HOPX: variants seen among roughly 807,000 people sequenced by gnomAD.
HOPX encodes HOP homeobox, also known as homeodomain-only protein.
HOPX carries 5 observed loss-of-function variants against 11.8 expected under a neutral mutation model. That is an observed-to-expected ratio of 0.43 (90% CI 0.22 to 0.89). The LOEUF (loss-of-function observed/expected upper bound fraction) is 0.89, where lower values mean the gene tolerates loss of function less well. HOPX is among the 40% of genes least tolerant of loss of function. The pLI is 0.28. For synonymous variants in HOPX, 49 were observed against 49.7 expected, an observed-to-expected ratio of 0.99 and a Z score of 0.06; for missense variants, 119 against 120.0, an observed-to-expected ratio of 0.99 and a Z score of 0.04.
At chr4:56,662,200 C>G (rs1404187697) in intron 1 of HOPX, among the ~76,000 whole-genome samples, 1 of 152,164 alleles carries the variant, frequency 6.6e-6, no homozygotes, top group East Asian at 1.9e-4. Flanking sequence ...TCCATGTAAA[C>G]TGAAATAATG....
chr4:56,669,525 G>A (rs917752220), intron 1 of HOPX, among the ~76,000 whole-genome samples: 1 of 152,090 alleles, frequency 6.6e-6, no homozygotes, highest in Non-Finnish European at 1.5e-5. Context: ...CAGATGAGGT[G>A]GTGGGGGCCT....
chr4:56,661,745 T>A lies in HOPX; in HGVS notation c.-83-3846A>T, dbSNP rs903340889. On this transcript the variant is annotated intron_variant, in intron 1 of 3. Coordinates refer to ENST00000420433, the MANE Select transcript of HOPX (RefSeq NM_032495.6). ...TTGGGGCTAAAAGTTTCCACATGTT[T>A]ACTGTTTACTGTGTAAAAATATTTC... Among the ~76,000 whole-genome samples, 4 of 152,358 alleles carry A rather than the reference T, an allele frequency of 2.6e-5. No individual in the cohort carries two copies. The East Asian group carries it at 7.7e-4, about 29-fold the overall frequency.
At chr4:56,650,538 G>A (rs1717060450) in intron 3 of HOPX, 1 of 759,312 alleles carries the variant, frequency 1.3e-6, no homozygotes, top group Admixed American at 2.8e-5. Flanking sequence ...AGCTTGAATG[G>A]GGGTAAGGCT....
intron 2 of HOPX, chr4:56,656,278 C>G (rs1371067159): frequency 1.7e-6 from 2 of 1,159,646 alleles, no homozygotes; most frequent in East Asian, 8.6e-5. Flanking sequence ...CCCGGGACCC[C>G]TTGCAGGAAC....
chr4:56,656,787 C>T (rs1717778507), intron 2 of HOPX, among the ~76,000 whole-genome samples: 1 of 152,124 alleles, frequency 6.6e-6, no homozygotes, highest in African/African-American at 2.4e-5. Context: ...CAACCCTTCG[C>T]CCCCACTCTT....
chr4:56,651,867 A>AGTGTGTGTGTTTGTGTGTGTGT (rs1357851813), intron 3 of HOPX, among the ~76,000 whole-genome samples: 1 of 128,360 alleles, frequency 7.8e-6, no homozygotes, highest in African/African-American at 3.2e-5. Context: ...AAAGAGAGAG[A>AGTGTGTGTGTTTGTGTGTGTGT]GAGAGAGTGT....
At chr4:56,679,684 G>C (rs536327422) in intron 1 of HOPX, 1 of 152,118 alleles carries the variant, frequency 6.6e-6, no homozygotes, top group Middle Eastern at 3.4e-3. Flanking sequence ...CACTATATTG[G>C]CCAGGCTGGT....
chr4:56,651,081 G>GA (rs1717125742), intron 3 of HOPX: 1 of 298,010 alleles, frequency 3.4e-6, no homozygotes, highest in South Asian at 7.0e-5. Context: ...TCTGGAGGAG[G>GA]AAAATCTCAC....
chr4:56,670,526 T>C (rs1183820323), intron 1 of HOPX, among the ~76,000 whole-genome samples: 1 of 152,244 alleles, frequency 6.6e-6, no homozygotes, highest in Non-Finnish European at 1.5e-5. Flanking sequence ...ATTCCTTTTA[T>C]GTTTTGGAGT....
intron 1 of HOPX, among the ~76,000 whole-genome samples, chr4:56,661,138 A>G (rs1279005614): frequency 6.6e-6 from 1 of 152,116 alleles, no homozygotes; most frequent in Admixed American, 6.5e-5. Context: ...GTTCTATCAC[A>G]TATGTATGGA....
intron 3 of HOPX, chr4:56,649,364 G>T (rs960416642): frequency 6.6e-6 from 1 of 152,276 alleles, no homozygotes; most frequent in African/African-American, 2.4e-5. Context: ...GCCCCAGATA[G>T]ATCTCTATGG....
intron 2 of HOPX, 61 bp downstream of exon 2, chr4:56,657,714 G>T: frequency 1.3e-6 from 1 of 745,680 alleles, no homozygotes. Context: ...TCTTCTGTGT[G>T]CACCCATTGC....
At chr4:56,675,724 A>G (rs889109911) in intron 1 of HOPX, among the ~76,000 whole-genome samples, 1 of 151,884 alleles carries the variant, frequency 6.6e-6, no homozygotes, top group Non-Finnish European at 1.5e-5. Flanking sequence ...AAGACAGCAG[A>G]TACATGCACC....
intron 1 of HOPX, among the ~76,000 whole-genome samples, chr4:56,671,607 C>T (rs1718738247): frequency 6.6e-6 from 1 of 151,886 alleles, no homozygotes; most frequent in South Asian, 2.1e-4. Context: ...TTTTTTTCCC[C>T]AGTTGAGTGG....
chr4:56,656,557 C>G, intron 2 of HOPX: 1 of 779,864 alleles, frequency 1.3e-6, no homozygotes, highest in East Asian at 1.3e-4. Flanking sequence ...CCTCTCCAGG[C>G]AGGGCTGCAC....
intron 1 of HOPX, among the ~76,000 whole-genome samples, chr4:56,661,943 T>A (rs903741069): frequency 6.6e-6 from 1 of 152,190 alleles, no homozygotes; most frequent in African/African-American, 2.4e-5. Context: ...CATTTTCTCC[T>A]CTACAGAACT....
At chr4:56,673,842 T>A (rs1718864673) in intron 1 of HOPX, among the ~76,000 whole-genome samples, 2 of 151,960 alleles carry the variant, frequency 1.3e-5, no homozygotes, top group African/African-American at 4.8e-5. Context: ...GTAGCTGGGA[T>A]TACAGGCATG....
chr4:56,656,510 G>C, intron 2 of HOPX: 2 of 984,032 alleles, frequency 2.0e-6, no homozygotes, highest in Non-Finnish European at 2.4e-6. Context: ...CCCGGTAGGC[G>C]GCCTTCTGTC....
rs76751592 is a variant in HOPX at position 56,648,732 on chromosome 4, G to A, written c.264C>T (p.Ser88=). ...GCCTGCCATCTCCTTAGTCTGTGAC[G>A]GATCTGCACTCTGAGGGCAGGCCTT... is the stretch of plus-strand genomic sequence containing the variant. The part of the protein sequence containing the change: ...RSEGLPSECR[S]VTD The change falls in exon 4 of 4, where the codon TCC becomes TCT. Residue 88 remains serine, a synonymous_variant. Coordinates refer to ENST00000420433, the MANE Select transcript of HOPX (RefSeq NM_032495.6). 1.7e-4 allele frequency: 281 copies of A among 1,607,350 alleles called. No individual in the cohort carries two copies. The African/African-American group carries it at 2.6e-3, about 15-fold the overall frequency.
Sources: gnomAD v4.1 joint callset for allele counts (sites outside exome capture counted in the v4.1 genomes callset) on GRCh38, gnomAD v4.1.1 for gene constraint, MANE v1.5 for transcripts, NCBI Gene and HGNC (gene_info 2026-07-23, HGNC 2026-07-21) for gene names.